Variants in DLG2 observed in about 807,000 individuals in gnomAD.
The protein encoded by DLG2 is disks large homolog 2.
In DLG2, 45 loss-of-function variants were observed where a neutral mutation model predicts 132.5. That is an observed-to-expected ratio of 0.34 (90% CI 0.27 to 0.44). The LOEUF (loss-of-function observed/expected upper bound fraction) is 0.44, where lower values mean the gene tolerates loss of function less well. Ranked by LOEUF, DLG2 falls within the 20% of genes least tolerant of loss-of-function variation. DLG2 has a pLI of 1.00. For synonymous variants in DLG2, 424 were observed against 419.6 expected (o/e 1.01, Z -0.13); for missense variants, 1,045 against 1,196.9 (o/e 0.87, Z 1.87).
intron 21 of DLG2, among the ~76,000 whole-genome samples, chr11:83,513,756 G>A (rs1390726296): frequency 6.6e-6 from 1 of 152,196 alleles, no homozygotes; most frequent in Non-Finnish European, 1.5e-5. Flanking sequence ...TGGCTAGCCA[G>A]TTGTCTCAGC....
At chr11:85,488,319 G>T (rs1375517010) in intron 3 of DLG2, among the ~76,000 whole-genome samples, 1 of 151,858 alleles carries the variant, frequency 6.6e-6, no homozygotes, top group Non-Finnish European at 1.5e-5. Context: ...AACCCAAGAG[G>T]CAGAGGTTGC....
chr11:85,110,370 A>G (rs1231490228), intron 6 of DLG2, among the ~76,000 whole-genome samples: 1 of 152,066 alleles, frequency 6.6e-6, no homozygotes, highest in Non-Finnish European at 1.5e-5. Flanking sequence ...GTGAGCCAAG[A>G]TCATGCCACT....
chr11:85,223,032 C>G (rs1309460352), intron 4 of DLG2, among the ~76,000 whole-genome samples: 1 of 152,078 alleles, frequency 6.6e-6, no homozygotes, highest in Non-Finnish European at 1.5e-5. Context: ...AGCAGCAGTC[C>G]AGGAAGGCAA....
chr11:85,195,521 GT>G (rs1197157967), intron 4 of DLG2, among the ~76,000 whole-genome samples: 73 of 140,858 alleles, frequency 5.2e-4, no homozygotes, highest in African/African-American at 1.6e-3. Context: ...GAAAGTGACA[GT>G]GTTTTTTTTT....
intron 20 of DLG2, among the ~76,000 whole-genome samples, chr11:83,540,212 C>G (rs1220741959): frequency 2.0e-5 from 3 of 152,100 alleles, no homozygotes; most frequent in Non-Finnish European, 2.9e-5. Flanking sequence ...CAAAGCAAAC[C>G]AAAATGCACG....
intron 3 of DLG2, among the ~76,000 whole-genome samples, chr11:85,568,719 T>C (rs1398195036): frequency 6.6e-6 from 1 of 152,222 alleles, no homozygotes; most frequent in Non-Finnish European, 1.5e-5. Context: ...TTATACTATT[T>C]TCTTATAATC....
intron 7 of DLG2, among the ~76,000 whole-genome samples, chr11:84,525,362 T>G (rs370553569): frequency 6.6e-6 from 1 of 152,220 alleles, no homozygotes; most frequent in African/African-American, 2.4e-5. Context: ...CTGGCATTCT[T>G]GGTTTCATTT....
chr11:84,276,672 G>C (rs1481129321), intron 7 of DLG2, among the ~76,000 whole-genome samples: 3 of 152,118 alleles, frequency 2.0e-5, no homozygotes, highest in African/African-American at 7.2e-5. Flanking sequence ...CAGTCACTAG[G>C]CTACATGTCT....
At chr11:83,777,912 A>T (rs1246704155) in intron 18 of DLG2, among the ~76,000 whole-genome samples, 2 of 152,180 alleles carry the variant, frequency 1.3e-5, no homozygotes, top group Non-Finnish European at 2.9e-5. Context: ...GGGCCTTAAA[A>T]CTAATCTCTT....
intron 6 of DLG2, among the ~76,000 whole-genome samples, chr11:84,918,338 T>C (rs1214174300): frequency 8.5e-6 from 1 of 117,478 alleles, no homozygotes; most frequent in Non-Finnish European, 2.0e-5. Flanking sequence ...GATGGAGAAA[T>C]TGTACTCACT....
intron 6 of DLG2, among the ~76,000 whole-genome samples, chr11:84,913,512 T>A (rs1447204874): frequency 4.6e-5 from 7 of 152,242 alleles, no homozygotes; most frequent in Non-Finnish European, 1.0e-4. Flanking sequence ...AAAAAGAGAA[T>A]AAAAAAGCTT....
chr11:85,314,975 C>G (rs905200754), intron 3 of DLG2, among the ~76,000 whole-genome samples: 14 of 151,988 alleles, frequency 9.2e-5, no homozygotes, highest in African/African-American at 3.4e-4. Context: ...GTCATTTCAT[C>G]TAAGCCTGGA....
chr11:85,104,872 CAAAAAAA>C (rs56043190), intron 6 of DLG2, among the ~76,000 whole-genome samples: 45 of 56,038 alleles, frequency 8.0e-4, no homozygotes, highest in South Asian at 3.0e-3. Context: ...GGCTGAATGG[CAAAAAAA>C]AAAAAAAAAA....
intron 4 of DLG2, among the ~76,000 whole-genome samples, chr11:85,280,251 C>G (rs559360059): frequency 2.6e-5 from 4 of 152,080 alleles, no homozygotes; most frequent in African/African-American, 9.6e-5. Context: ...TCTTTATGGA[C>G]CATTTCCTAG....
chr11:85,219,181 C>T (rs1181899482), intron 4 of DLG2, among the ~76,000 whole-genome samples: 1 of 152,062 alleles, frequency 6.6e-6, no homozygotes, highest in Non-Finnish European at 1.5e-5. Context: ...CACACAATAT[C>T]CACATGTAAC....
At chr11:84,568,784 T>A (rs77425316) in intron 6 of DLG2, among the ~76,000 whole-genome samples, 2,588 of 152,212 alleles carry the variant, frequency 0.017, 25 homozygotes, top group Non-Finnish European at 0.026. Context: ...TCTATGCAAT[T>A]CAAAGAAGAG....
At chr11:83,974,002 A>G (rs527687495) in intron 12 of DLG2, among the ~76,000 whole-genome samples, 4 of 152,222 alleles carry the variant, frequency 2.6e-5, no homozygotes, top group African/African-American at 9.6e-5. Context: ...GAATAACAGT[A>G]ATGACTGTCC....
At chr11:84,243,387 A>C (rs2097261087) in intron 8 of DLG2, among the ~76,000 whole-genome samples, 1 of 141,906 alleles carries the variant, frequency 7.0e-6, no homozygotes, top group Admixed American at 7.0e-5. Context: ...TAGTGTGTTC[A>C]ATTTGTTGAA....
At chr11:84,895,236 T>A (rs11234228) in intron 6 of DLG2, among the ~76,000 whole-genome samples, 10,634 of 151,892 alleles carry the variant, frequency 0.07, 375 homozygotes, top group Admixed American at 0.094. Flanking sequence ...TTGTAAAAAA[T>A]AAATAGAAGA....
Sources: allele counts gnomAD v4.1 joint callset (sites outside exome capture counted in the v4.1 genomes callset), GRCh38; gene constraint gnomAD v4.1.1; transcripts MANE v1.5; gene names NCBI Gene and HGNC (gene_info 2026-07-23, HGNC 2026-07-21).